AUTS2: variants seen among roughly 807,000 people sequenced by gnomAD.
The protein encoded by AUTS2 is autism susceptibility gene 2 protein.
AUTS2 carries 17 observed loss-of-function variants against 112.4 expected under a neutral mutation model. That is an observed-to-expected ratio of 0.15 (90% CI 0.10 to 0.23). The LOEUF (loss-of-function observed/expected upper bound fraction) is 0.23. Ranked by LOEUF, AUTS2 falls within the 10% of genes least tolerant of loss-of-function variation. The pLI, the probability that AUTS2 is intolerant of heterozygous loss-of-function variation, is 1.00. For synonymous variants in AUTS2, 751 were observed against 702.7 expected, an observed-to-expected ratio of 1.07 and a Z score of -1.09; for missense variants, 1,510 against 1,701.6, an observed-to-expected ratio of 0.89 and a Z score of 1.98.
intron 5 of AUTS2, among the ~76,000 whole-genome samples, chr7:70,577,214 G>A (rs920260180): frequency 1.3e-5 from 2 of 152,096 alleles, no homozygotes; most frequent in African/African-American, 4.8e-5. Context: ...CTTTTATCTT[G>A]CAACCCCCAT....
intron 1 of AUTS2, among the ~76,000 whole-genome samples, chr7:69,825,318 G>T (rs1438225633): frequency 6.6e-6 from 1 of 152,048 alleles, no homozygotes; most frequent in African/African-American, 2.4e-5. Flanking sequence ...TTAGTGCCTG[G>T]GCCAGTTCCA....
intron 2 of AUTS2, among the ~76,000 whole-genome samples, chr7:69,962,903 G>T (rs912368349): frequency 3.3e-5 from 5 of 152,092 alleles, no homozygotes; most frequent in Non-Finnish European, 7.4e-5. Flanking sequence ...GCTGTGACCA[G>T]CTCTGTTTGC....
At chr7:70,455,070 A>G (rs1236201466) in intron 5 of AUTS2, among the ~76,000 whole-genome samples, 1 of 151,778 alleles carries the variant, frequency 6.6e-6, no homozygotes, top group Non-Finnish European at 1.5e-5. Flanking sequence ...CCACATACCC[A>G]TGTGTTGTTG....
At position 70,628,820 on chromosome 7, in the gene AUTS2, A is replaced by G. The variant is rs143504689; in HGVS notation, c.691-69749A>G. On this transcript the variant is annotated intron_variant, in intron 5 of 18. Transcript: ENST00000342771. The stretch of plus-strand genomic sequence containing the variant: ...ATCCTCAGGATGGGAAAGCACGGGT[A>G]AACGGGCAGGAGACCTCTGGGCGCC... Among the ~76,000 whole-genome samples the G allele has an allele frequency of 6.3e-3, 955 of 152,308 alleles. 4 individuals carry two copies. Among genetic ancestry groups the G allele is most frequent in the Middle Eastern group, 0.01 (3 of 294 alleles).
At chr7:69,919,654 G>A (rs756802666) in intron 2 of AUTS2, among the ~76,000 whole-genome samples, 17 of 152,100 alleles carry the variant, frequency 1.1e-4, no homozygotes, top group Non-Finnish European at 2.4e-4. Flanking sequence ...AGTTATTGCT[G>A]CTCTTTGACC....
At chr7:69,914,356 GACACACACACACAC>G (rs66527808) in intron 2 of AUTS2, among the ~76,000 whole-genome samples, 109 of 136,100 alleles carry the variant, frequency 8.0e-4, no homozygotes, top group Non-Finnish European at 1.4e-3. Context: ...CACACACACA[GACACACACACACAC>G]ACACACACAC....
chr7:70,383,955 T>C (rs1176537772), intron 4 of AUTS2, among the ~76,000 whole-genome samples: 1 of 152,260 alleles, frequency 6.6e-6, no homozygotes, highest in Non-Finnish European at 1.5e-5. Context: ...GCTTCAGAAG[T>C]CATCCCCTAG....
chr7:70,018,209 C>CT (rs557168788), intron 2 of AUTS2, among the ~76,000 whole-genome samples: 30 of 148,056 alleles, frequency 2.0e-4, no homozygotes, highest in South Asian at 4.3e-4. Flanking sequence ...ATGTAGGACT[C>CT]TTTTTTTTTT....
At chr7:69,975,138 T>C (rs914016341) in intron 2 of AUTS2, among the ~76,000 whole-genome samples, 13 of 152,066 alleles carry the variant, frequency 8.5e-5, no homozygotes, top group African/African-American at 2.4e-4. Context: ...GTTTCTTTTG[T>C]CTTTTTCTTT....
chr7:70,359,268 C>T (rs867182398), intron 4 of AUTS2, among the ~76,000 whole-genome samples: 9 of 152,292 alleles, frequency 5.9e-5, no homozygotes, highest in South Asian at 2.1e-4. Flanking sequence ...TAAAGAATGA[C>T]GATAATTGCG....
rs538005366 is a variant in AUTS2 at position 70,790,590 on chromosome 7, GCCACCACCACCACCA to G, written c.3386_3400del (p.His1129_His1133del). The G allele has an allele frequency of 3.4e-5, 54 of 1,600,840 alleles. No individual in the cohort carries two copies. The highest frequency in any genetic ancestry group is 4.6e-5 in the Non-Finnish European group (54 of 1,174,852). ...AGGGACCGGGAGCCTCACGACTACA[GCCACCACCACCACCA>G]CCACCACCACCCGCTGTCTGTGGAC... On this transcript the variant is annotated inframe_deletion, in exon 19 of 19. Transcript: ENST00000342771. This position sits in a 1 kb window ranked among gnomAD's most constrained non-coding sequence, Gnocchi z 7.6.
chr7:70,488,236 T>C (rs202050148), intron 5 of AUTS2, among the ~76,000 whole-genome samples: 1 of 152,214 alleles, frequency 6.6e-6, no homozygotes, highest in African/African-American at 2.4e-5. Flanking sequence ...TGAGGAGTGC[T>C]GGGCACCAGT....
intron 4 of AUTS2, 94 bp downstream of exon 4, chr7:70,134,665 A>G: frequency 8.5e-7 from 1 of 1,183,156 alleles, no homozygotes; most frequent in Admixed American, 1.8e-5. Flanking sequence ...AAAATCTGAG[A>G]ATTTCTCTCT....
chr7:70,285,915 T>A (rs1172216651), intron 4 of AUTS2, among the ~76,000 whole-genome samples: 1 of 152,228 alleles, frequency 6.6e-6, no homozygotes, highest in Admixed American at 6.5e-5. Flanking sequence ...AAAGTTTGAA[T>A]TACTAAATGA....
chr7:70,243,992 A>G (rs1442311744), intron 4 of AUTS2, among the ~76,000 whole-genome samples: 3 of 152,020 alleles, frequency 2.0e-5, no homozygotes, highest in Non-Finnish European at 4.4e-5. Flanking sequence ...AGTAATAGTA[A>G]GAGTATGGGA....
chr7:69,856,266 CTCCT>C (rs1272114204), intron 1 of AUTS2, among the ~76,000 whole-genome samples: 1 of 152,018 alleles, frequency 6.6e-6, no homozygotes, highest in African/African-American at 2.4e-5. Flanking sequence ...AGTCTTGGGA[CTCCT>C]TCCTTCAGCC....
intron 2 of AUTS2, among the ~76,000 whole-genome samples, chr7:69,990,505 T>C (rs1798702512): frequency 6.6e-6 from 1 of 152,222 alleles, no homozygotes; most frequent in East Asian, 1.9e-4. Context: ...AAATGACTAC[T>C]AAGAGGTGTG....
At chr7:69,605,065 A>G (rs1263941944) in intron 1 of AUTS2, among the ~76,000 whole-genome samples, 5 of 152,240 alleles carry the variant, frequency 3.3e-5, no homozygotes, top group Admixed American at 2.6e-4. Flanking sequence ...AGAGAAGGCA[A>G]TGTGTTGTGC....
chr7:69,759,022 T>C (rs1214028288), intron 1 of AUTS2, among the ~76,000 whole-genome samples: 2 of 152,186 alleles, frequency 1.3e-5, no homozygotes, highest in Admixed American at 1.3e-4. Flanking sequence ...GAACACTTAT[T>C]GAGTAAGCAA....
Sources: allele counts gnomAD v4.1 joint callset (sites outside exome capture counted in the v4.1 genomes callset), GRCh38; gene constraint gnomAD v4.1.1; non-coding constraint Gnocchi (gnomAD v3.1); transcripts MANE v1.5; gene names NCBI Gene and HGNC (gene_info 2026-07-23, HGNC 2026-07-21).